The following CELA3B variants were observed in gnomAD, a reference collection of about 807,000 sequenced individuals.
CELA3B encodes chymotrypsin like elastase 3B, also known as chymotrypsin-like elastase family member 3B.
CELA3B carries 34 observed loss-of-function variants against 37.2 expected under a neutral mutation model. That is an observed-to-expected ratio of 0.91 (90% CI 0.70 to 1.22). The LOEUF (loss-of-function observed/expected upper bound fraction) is 1.22, where lower values mean the gene tolerates loss of function less well. Among genes scored for constraint, CELA3B ranks in the 50% most tolerant of loss-of-function variants. The pLI is 0.00. For missense variants in CELA3B, 340 were observed against 363.1 expected (o/e 0.94, Z 0.52); for synonymous variants, 127 against 143.5 (o/e 0.89, Z 0.82).
intron 4 of CELA3B, among the ~76,000 whole-genome samples, chr1:21,981,911 G>A (rs1195438210): frequency 1.3e-5 from 2 of 151,922 alleles, no homozygotes; most frequent in Non-Finnish European, 2.9e-5. Context: ...ATTTTTAGTA[G>A]AGACGGGGTT....
At chr1:21,981,017 T>A in intron 3 of CELA3B, 21 bp from the exon 4 acceptor site, 1 of 1,614,078 alleles carries the variant, frequency 6.2e-7, no homozygotes, top group Non-Finnish European at 8.5e-7. Flanking sequence ...AGGCCCAGAC[T>A]GACCTCACCT....
Position 21,986,531 on chromosome 1 carries a change from G to A in CELA3B, c.643G>A (p.Gly215Ser), listed in dbSNP as rs1164265213. ...ACCCACACCTCTCTGACGGTTCCAGGGTGACTCTGGAGGACCCCTCAACTG... is the reference window on the plus strand; with the variant it reads ...ACCCACACCTCTCTGACGGTTCCAGAGTGACTCTGGAGGACCCCTCAACTG... ...AGGDIRSGCN[G>S]DSGGPLNCPT... is the part of the protein sequence containing the mutation. The change falls in exon 7 of 8, where the codon GGT becomes AGT. Residue 215 changes from glycine (G) to serine (S), a missense_variant and splice_region_variant. Coordinates refer to ENST00000337107, the MANE Select transcript of CELA3B (RefSeq NM_007352.4). 1 of 1,613,916 alleles carries A rather than the reference G, an allele frequency of 6.2e-7. No homozygotes were observed. The highest frequency in any genetic ancestry group is 8.5e-7 in the Non-Finnish European group (1 of 1,180,024).
chr1:21,988,905 T>C (rs56147283), intron 7 of CELA3B, among the ~76,000 whole-genome samples: 149,705 of 151,768 alleles, frequency 0.99, 73,905 homozygotes, highest in Middle Eastern at 1. Context: ...GAAAAAAAAC[T>C]CCAAAAATAT....
chr1:21,995,674 G>A lies in CELA3B; in HGVS notation c.505-2477G>A, dbSNP rs532755521. The stretch of plus-strand genomic sequence containing the variant: ...TCTATTTTTAGATTGGTGTAAAAGC[G>A]TAATTGCAGTTTTTGCCATCACTTT... On this transcript the variant is annotated intron_variant, in intron 4 of 4. Coordinates refer to the CELA3B transcript ENST00000400277. Among the ~76,000 whole-genome samples the A allele has an allele frequency of 4.2e-4, 63 of 150,252 alleles. 1 individual carries two copies. Among genetic ancestry groups the A allele is most frequent in the African/African-American group, 1.5e-3 (60 of 40,314 alleles).
At chr1:21,991,412 T>A (rs966007406), downstream of CELA3B, among the ~76,000 whole-genome samples, 1 of 149,638 alleles carries the variant, frequency 6.7e-6, no homozygotes, top group Non-Finnish European at 1.5e-5. Context: ...CTCAGCTCAC[T>A]GCAACCTCTG....
At chr1:21,998,003 C>T (rs1170507493) in intron 4 of CELA3B, 7 of 388,840 alleles carry the variant, frequency 1.8e-5, no homozygotes, top group Non-Finnish European at 3.8e-5. Flanking sequence ...TTTTATAAAA[C>T]AATGTAGTTA....
Position 21,986,662 on chromosome 1 carries a change from C to A in CELA3B, c.774C>A (p.Ala258=), listed in dbSNP as rs1236585489. ...CCACGGTGTTCACTCGAGTCTCCGC[C>A]TTCATTGACTGGATTGAGGAGGTGA... ...RKPTVFTRVS[A]FIDWIEETIA... is the part of the protein sequence containing the mutation. The change falls in exon 7 of 8, where the codon GCC becomes GCA. Residue 258 remains alanine (A), a synonymous_variant. Transcript: ENST00000337107. The A allele has an allele frequency of 2.5e-6, 4 of 1,613,792 alleles. No individual in the cohort carries two copies. Among genetic ancestry groups the A allele is most frequent in the Non-Finnish European group, 3.4e-6 (4 of 1,179,952 alleles).
chr1:21,986,330 A>T (rs12121096), intron 6 of CELA3B, among the ~76,000 whole-genome samples: 78,905 of 150,826 alleles, frequency 0.52, 22,123 homozygotes, highest in Middle Eastern at 0.74. Context: ...GAGCCAAGCT[A>T]GCTCCACTGC....
chr1:21,984,400 G>C, intron 6 of CELA3B, 69 bp downstream of exon 6: 1 of 1,554,374 alleles, frequency 6.4e-7, no homozygotes, highest in Non-Finnish European at 8.7e-7. Context: ...CCAACTGCCT[G>C]GAAGGTGGAG....
chr1:21,978,672 G>A (rs1046034138), intron 2 of CELA3B, among the ~76,000 whole-genome samples: 2 of 152,240 alleles, frequency 1.3e-5, no homozygotes, highest in Non-Finnish European at 2.9e-5. Context: ...TGGAATCGGG[G>A]GTGAAGGAAA....
Position 21,986,574 on chromosome 1 carries a change from G to A in CELA3B, c.686G>A (p.Gly229Asp), listed in dbSNP as rs753525512. 3 of 1,614,110 alleles carry A rather than the reference G, an allele frequency of 1.9e-6. No individual in the cohort carries two copies. The highest frequency in any genetic ancestry group is 1.7e-5 in the Admixed American group (1 of 59,984). ...CTCAACTGCCCCACAGAGGATGGTG[G>A]CTGGCAGGTCCATGGCGTGACCAGC... ...GPLNCPTEDG[G>D]WQVHGVTSFV... Residue 229 changes from glycine (G) to aspartate (D), a missense_variant, in exon 7 of 8, where the codon GGC becomes GAC. Physicochemically the swap from Gly to Asp is moderately conservative, Grantham distance 94 (BLOSUM62 -1). Coordinates refer to ENST00000337107, the MANE Select transcript of CELA3B (RefSeq NM_007352.4).
chr1:21,984,127 T>G, intron 5 of CELA3B, 62 bp from the exon 6 acceptor site: 4 of 1,561,666 alleles, frequency 2.6e-6, no homozygotes, highest in Non-Finnish European at 3.5e-6. Flanking sequence ...GATGCCCCCT[T>G]CCTCTGGGGC....
chr1:21,987,981 C>T (rs1644849298), intron 7 of CELA3B: 4 of 149,092 alleles, frequency 2.7e-5, no homozygotes, highest in Non-Finnish European at 4.5e-5. Context: ...GAGGCCGAGG[C>T]GTATGGATCA....
At chr1:21,979,435 T>A (rs1443631225) in intron 2 of CELA3B, among the ~76,000 whole-genome samples, 1 of 128,976 alleles carries the variant, frequency 7.8e-6, no homozygotes, top group African/African-American at 2.9e-5. Context: ...TATTTCTTTT[T>A]TTCTTTTCTT....
chr1:21,979,207 G>C (rs1419359569), intron 2 of CELA3B, among the ~76,000 whole-genome samples: 2 of 151,244 alleles, frequency 1.3e-5, no homozygotes, highest in Non-Finnish European at 2.9e-5. Flanking sequence ...CAAGTAGCTG[G>C]GATTACAGGC....
intron 4 of CELA3B, among the ~76,000 whole-genome samples, chr1:21,983,196 TTAAC>T (rs1185003634): frequency 6.6e-6 from 1 of 151,692 alleles, no homozygotes; most frequent in East Asian, 1.9e-4. Context: ...CTAAAAATAA[TTAAC>T]AAAAATTAGC....
At chr1:21,979,229 A>G (rs572116713) in intron 2 of CELA3B, among the ~76,000 whole-genome samples, 3 of 150,326 alleles carry the variant, frequency 2.0e-5, no homozygotes, top group African/African-American at 7.3e-5. Flanking sequence ...TGCGCCACCA[A>G]GCCCGGCTAA....
At chr1:21,994,739 T>A (rs1466925430) in intron 4 of CELA3B, among the ~76,000 whole-genome samples, 2 of 150,962 alleles carry the variant, frequency 1.3e-5, no homozygotes, top group Non-Finnish European at 2.9e-5. Flanking sequence ...GTGGCTCAGA[T>A]CTGTAATCCC....
intron 1 of CELA3B, 131 bp downstream of exon 1, chr1:21,977,213 G>C: frequency 7.4e-7 from 1 of 1,358,110 alleles, no homozygotes; most frequent in Non-Finnish European, 1.1e-6. Flanking sequence ...CTTGTACCCG[G>C]GGGCATGACT....
Sources: gnomAD v4.1 joint callset for allele counts (sites outside exome capture counted in the v4.1 genomes callset) on GRCh38, gnomAD v4.1.1 for gene constraint, MANE v1.5 for transcripts, NCBI Gene and HGNC (gene_info 2026-07-23, HGNC 2026-07-21) for gene names.